Variants in ZEB1 observed in about 807,000 individuals in gnomAD.
ZEB1 encodes the protein zinc finger E-box binding homeobox 1, also known as zinc finger E-box-binding homeobox 1.
ZEB1 carries 21 observed loss-of-function variants against 84.9 expected under a neutral mutation model. The ratio of observed to expected loss-of-function variants is 0.25; its 90% CI spans 0.18 to 0.36. ZEB1 has a LOEUF of 0.36. ZEB1 is among the 10% of genes least tolerant of loss of function. The pLI is 1.00. For missense variants in ZEB1, 1,104 were observed against 1,330.2 expected (o/e 0.83, Z 2.65); for synonymous variants, 420 against 471.1 (o/e 0.89, Z 1.41).
At chr10:31,497,806 T>A (rs2067462185) in intron 3 of ZEB1, among the ~76,000 whole-genome samples, 1 of 152,076 alleles carries the variant, frequency 6.6e-6, no homozygotes, top group East Asian at 1.9e-4. Context: ...ATTGAAAACA[T>A]CCTTTGTTCC....
chr10:31,521,128 C>T lies in ZEB1; in HGVS notation c.1796C>T (p.Ala599Val). ...PLKNLLSLLK[A>V]YYALNAQPSA... ...AAGAACCTCTTGTCTCTCCTAAAAG[C>T]ATATTATGCTTTGAATGCACAACCA... Residue 599 changes from alanine (A) to valine (V), a missense_variant, in exon 7 of 9, where the codon GCA becomes GTA. By Grantham distance (64) the Ala-to-Val change is moderately conservative. Coordinates refer to ENST00000424869, the MANE Select transcript of ZEB1 (RefSeq NM_001174096.2). 1 of 1,614,084 alleles carries T rather than the reference C, an allele frequency of 6.2e-7. No individual in the cohort carries two copies. The highest frequency in any genetic ancestry group is 8.5e-7 in the Non-Finnish European group (1 of 1,180,012).
chr10:31,511,733 C>G (rs2070068831), intron 5 of ZEB1, among the ~76,000 whole-genome samples: 1 of 152,166 alleles, frequency 6.6e-6, no homozygotes. Context: ...TACCTGAACT[C>G]TGCCCTATGG....
intron 1 of ZEB1, among the ~76,000 whole-genome samples, chr10:31,343,328 T>C (rs918260171): frequency 6.6e-6 from 1 of 152,124 alleles, no homozygotes; most frequent in Admixed American, 6.5e-5. Flanking sequence ...CATTTGCTTT[T>C]AAAGTCTCTA....
chr10:31,358,553 A>C (rs893326657), intron 1 of ZEB1: 5 of 152,298 alleles, frequency 3.3e-5, no homozygotes, highest in Admixed American at 3.3e-4. Flanking sequence ...ATTACTTTTA[A>C]AAAGTATATT....
intron 2 of ZEB1, among the ~76,000 whole-genome samples, chr10:31,478,639 G>A (rs2064607636): frequency 6.6e-6 from 1 of 151,850 alleles, no homozygotes; most frequent in Non-Finnish European, 1.5e-5. Context: ...AGAAAATGTG[G>A]TCCATATATA....
At chr10:31,372,623 T>C (rs928930939) in intron 1 of ZEB1, among the ~76,000 whole-genome samples, 1 of 152,152 alleles carries the variant, frequency 6.6e-6, no homozygotes, top group East Asian at 1.9e-4. Flanking sequence ...CTATTACAAG[T>C]AGTTGATGAT....
chr10:31,431,927 C>T (rs1235819850), intron 1 of ZEB1, among the ~76,000 whole-genome samples: 5 of 152,072 alleles, frequency 3.3e-5, no homozygotes, highest in Admixed American at 6.5e-5. Flanking sequence ...ATTTTAAACA[C>T]GTAAGAACAG....
intron 6 of ZEB1, among the ~76,000 whole-genome samples, chr10:31,518,745 T>C (rs1295890892): frequency 1.3e-5 from 2 of 152,096 alleles, no homozygotes; most frequent in African/African-American, 4.8e-5. Context: ...CAGCAGGTCC[T>C]AACTCCCCTT....
chr10:31,513,766 G>A (rs1250819918), intron 5 of ZEB1, among the ~76,000 whole-genome samples: 1 of 152,132 alleles, frequency 6.6e-6, no homozygotes, highest in Non-Finnish European at 1.5e-5. Flanking sequence ...AGCAATATGT[G>A]TGCAGAAAAC....
At chr10:31,329,878 C>A (rs1387660784) in intron 1 of ZEB1, among the ~76,000 whole-genome samples, 1 of 152,072 alleles carries the variant, frequency 6.6e-6, no homozygotes, top group Non-Finnish European at 1.5e-5. Context: ...ATAATTTGTC[C>A]ATTTTTAATT....
chr10:31,443,576 C>T (rs1230629000), intron 1 of ZEB1, among the ~76,000 whole-genome samples: 9 of 121,758 alleles, frequency 7.4e-5, no homozygotes, highest in African/African-American at 1.8e-4. Context: ...CCCCACCCCA[C>T]AACAGTCCCC....
rs161240 is a variant in ZEB1, at chr10:31,408,181, T to G, written c.59-52856T>G. 2.5e-4 allele frequency among the ~76,000 whole-genome samples: 37 copies of G among 150,772 alleles called. No homozygotes were observed. The East Asian group carries it at 6.8e-3, about 28-fold the overall frequency. On this transcript the variant is annotated intron_variant, in intron 1 of 8. Coordinates refer to ENST00000424869, the MANE Select transcript of ZEB1 (RefSeq NM_001174096.2). ...AGAATAAAATACCTAGGAATCCAAC[T>G]TACAAGGGATGTGAAGGACCTCTTC...
Position 31,385,266 on chromosome 10 carries a change from G to A in ZEB1, c.58+65974G>A, listed in dbSNP as rs115234697. Among the ~76,000 whole-genome samples the A allele has an allele frequency of 7.2e-3, 1,094 of 152,224 alleles. 12 individuals carry two copies. The highest frequency in any genetic ancestry group is 0.025 in the African/African-American group (1,049 of 41,530). On this transcript the variant is annotated intron_variant, in intron 1 of 8. Coordinates refer to ENST00000424869, the MANE Select transcript of ZEB1 (RefSeq NM_001174096.2). ...TTCTTACTGTGGTTTTGACCATACA[G>A]CAAATGGTATTTTATACTCTGAAAT...
At chr10:31,509,352 C>T (rs1591985906) in intron 4 of ZEB1, among the ~76,000 whole-genome samples, 1 of 152,170 alleles carries the variant, frequency 6.6e-6, no homozygotes, top group South Asian at 2.1e-4. Flanking sequence ...CTGGGGGTCT[C>T]TCACTTACTC....
chr10:31,391,231 T>TGTG (rs2049615056), intron 1 of ZEB1, among the ~76,000 whole-genome samples: 6 of 134,788 alleles, frequency 4.5e-5, no homozygotes, highest in Admixed American at 7.4e-5. Flanking sequence ...ACAGGTAAGT[T>TGTG]TGTGTGTGTG....
At chr10:31,484,912 T>A (rs2138606443) in intron 2 of ZEB1, among the ~76,000 whole-genome samples, 1 of 152,056 alleles carries the variant, frequency 6.6e-6, no homozygotes, top group East Asian at 1.9e-4. Context: ...ATGACATACA[T>A]CTCTGTTGCA....
chr10:31,319,532 A>C, intron 1 of ZEB1: 1 of 524,698 alleles, frequency 1.9e-6, no homozygotes, highest in African/African-American at 2.1e-5. Context: ...CTCTCCGCCT[A>C]GCGGCTCCCG....
intron 1 of ZEB1, among the ~76,000 whole-genome samples, chr10:31,393,941 G>A (rs1039487577): frequency 2.0e-5 from 3 of 152,046 alleles, no homozygotes; most frequent in Non-Finnish European, 4.4e-5. Flanking sequence ...TACCTGCCAC[G>A]TCCTTGTATA....
chr10:31,438,254 A>G (rs2058507686), intron 1 of ZEB1, among the ~76,000 whole-genome samples: 1 of 152,202 alleles, frequency 6.6e-6, no homozygotes, highest in African/African-American at 2.4e-5. Context: ...TTCATTTTAT[A>G]TAATGTTATG....
Sources: allele counts gnomAD v4.1 joint callset (sites outside exome capture counted in the v4.1 genomes callset), GRCh38; gene constraint gnomAD v4.1.1; transcripts MANE v1.5; gene names NCBI Gene and HGNC (gene_info 2026-07-23, HGNC 2026-07-21).